MKLN1: variants seen among roughly 807,000 people sequenced by gnomAD.
MKLN1 encodes muskelin 1.
Under a neutral mutation model 99.0 loss-of-function variants are expected in MKLN1, and 18 were observed. The ratio of observed to expected loss-of-function variants is 0.18; its 90% CI spans 0.13 to 0.27. The LOEUF (loss-of-function observed/expected upper bound fraction) is 0.27. Ranked by LOEUF, MKLN1 falls within the 10% of genes least tolerant of loss-of-function variation. The pLI, the probability that MKLN1 is intolerant of heterozygous loss-of-function variation, is 1.00. For missense variants in MKLN1, 621 were observed against 875.9 expected (o/e 0.71, Z 3.67); for synonymous variants, 288 against 293.2 (o/e 0.98, Z 0.18).
intron 3 of MKLN1, among the ~76,000 whole-genome samples, chr7:131,281,402 A>G (rs1467976771): frequency 6.6e-6 from 1 of 152,114 alleles, no homozygotes; most frequent in African/African-American, 2.4e-5. Flanking sequence ...CTATATGTGT[A>G]TCCTTATGCC....
At chr7:131,245,683 A>C (rs1169276443) in intron 3 of MKLN1, among the ~76,000 whole-genome samples, 1 of 152,254 alleles carries the variant, frequency 6.6e-6, no homozygotes, top group Admixed American at 6.5e-5. Flanking sequence ...GGAGCATGTC[A>C]TACAGGTTTG....
intron 2 of MKLN1, among the ~76,000 whole-genome samples, chr7:131,167,124 C>G (rs1025992396): frequency 6.6e-6 from 1 of 151,812 alleles, no homozygotes; most frequent in Non-Finnish European, 1.5e-5. Context: ...TATTTGTTTA[C>G]TTGCTTATAT....
At chr7:131,364,489 T>C (rs946191063) in intron 1 of MKLN1, among the ~76,000 whole-genome samples, 1 of 152,034 alleles carries the variant, frequency 6.6e-6, no homozygotes, top group African/African-American at 2.4e-5. Flanking sequence ...TTTAAACATT[T>C]ATTTTAGGTT....
chr7:131,378,337 C>G (rs1793728798), intron 2 of MKLN1, among the ~76,000 whole-genome samples: 1 of 152,176 alleles, frequency 6.6e-6, no homozygotes, highest in Non-Finnish European at 1.5e-5. Context: ...GCCTTGAATT[C>G]CTGACCTCAG....
intron 9 of MKLN1, among the ~76,000 whole-genome samples, chr7:131,432,079 T>G (rs634860): frequency 2.0e-5 from 3 of 152,226 alleles, no homozygotes; most frequent in Non-Finnish European, 4.4e-5. Flanking sequence ...CTATAATGAT[T>G]GGTTTATATT....
chr7:131,456,590 A>G (rs912372568), intron 12 of MKLN1, among the ~76,000 whole-genome samples: 6 of 152,210 alleles, frequency 3.9e-5, no homozygotes, highest in African/African-American at 1.4e-4. Flanking sequence ...AGTTGATGAA[A>G]ACATGTGGAC....
chr7:131,272,177 A>G (rs1030748503), intron 3 of MKLN1, among the ~76,000 whole-genome samples: 1 of 152,158 alleles, frequency 6.6e-6, no homozygotes, highest in African/African-American at 2.4e-5. Flanking sequence ...AAATAGAAGG[A>G]CCCTGGGTGG....
chr7:131,176,857 A>G (rs1054235989), intron 2 of MKLN1, among the ~76,000 whole-genome samples: 2 of 152,196 alleles, frequency 1.3e-5, no homozygotes, highest in African/African-American at 2.4e-5. Context: ...TGACCCTCCA[A>G]TGGGAAACAG....
chr7:131,114,894 C>G (rs759004654), intron 1 of MKLN1, among the ~76,000 whole-genome samples: 3 of 150,304 alleles, frequency 2.0e-5, no homozygotes, highest in Non-Finnish European at 4.4e-5. Context: ...TGAAATTGCA[C>G]AACTGCACTC....
chr7:131,295,785 T>C (rs1441637995), intron 3 of MKLN1, among the ~76,000 whole-genome samples: 1 of 150,776 alleles, frequency 6.6e-6, no homozygotes, highest in African/African-American at 2.4e-5. Flanking sequence ...CAAGGGAGGC[T>C]GAGGCAGGAG....
intron 1 of MKLN1, among the ~76,000 whole-genome samples, chr7:131,137,986 C>G (rs1209740033): frequency 7.1e-6 from 1 of 141,330 alleles, no homozygotes. Context: ...AGTGCAATGG[C>G]GTGATCTCGG....
intron 14 of MKLN1, among the ~76,000 whole-genome samples, chr7:131,465,831 G>A (rs561107808): frequency 1.3e-5 from 2 of 152,092 alleles, no homozygotes; most frequent in Admixed American, 6.6e-5. Flanking sequence ...GAGCCACCGC[G>A]CCTGGCCTAA....
chr7:131,242,660 C>T (rs970883885), intron 3 of MKLN1: 21 of 590,450 alleles, frequency 3.6e-5, no homozygotes, highest in African/African-American at 3.5e-4. Flanking sequence ...GATGCAAAGC[C>T]ATCATCGTGA....
At chr7:131,433,380 T>C (rs893746013) in intron 9 of MKLN1, among the ~76,000 whole-genome samples, 1 of 152,214 alleles carries the variant, frequency 6.6e-6, no homozygotes, top group African/African-American at 2.4e-5. Context: ...TTGTCTGATA[T>C]TAGCTTCAAT....
intron 10 of MKLN1, among the ~76,000 whole-genome samples, chr7:131,440,829 T>G (rs1584745663): frequency 6.6e-6 from 1 of 152,270 alleles, no homozygotes; most frequent in South Asian, 2.1e-4. Flanking sequence ...ACTCCGCATG[T>G]CAAATGGGCA....
chr7:131,175,824 C>T (rs774192934), intron 2 of MKLN1, among the ~76,000 whole-genome samples: 2 of 152,036 alleles, frequency 1.3e-5, no homozygotes, highest in South Asian at 2.1e-4. Context: ...TGCTTGAACC[C>T]GGGAGGTGGA....
chr7:131,171,749 C>T (rs969133405), intron 2 of MKLN1, among the ~76,000 whole-genome samples: 3 of 152,286 alleles, frequency 2.0e-5, no homozygotes, highest in East Asian at 3.9e-4. Flanking sequence ...TGAGCCACCT[C>T]GCCTAGCCTG....
At chr7:131,185,354 G>A (rs1796433451) in intron 2 of MKLN1, among the ~76,000 whole-genome samples, 1 of 151,238 alleles carries the variant, frequency 6.6e-6, no homozygotes, top group African/African-American at 2.4e-5. Context: ...AAGGTGGGCA[G>A]ATCACCTGAG....
At chr7:131,150,192 A>G (rs1375785199) in intron 2 of MKLN1, among the ~76,000 whole-genome samples, 1 of 152,130 alleles carries the variant, frequency 6.6e-6, no homozygotes, top group Non-Finnish European at 1.5e-5. Context: ...CTCAATCACC[A>G]TTGTTCATAA....
Sources: gnomAD v4.1 joint callset for allele counts (sites outside exome capture counted in the v4.1 genomes callset) on GRCh38, gnomAD v4.1.1 for gene constraint, MANE v1.5 for transcripts, NCBI Gene and HGNC (gene_info 2026-07-23, HGNC 2026-07-21) for gene names.